TDP1: variants seen among roughly 807,000 people sequenced by gnomAD.
TDP1 encodes tyrosyl-DNA phosphodiesterase 1, also known as tyr-DNA phosphodiesterase 1.
Under a neutral mutation model 81.5 loss-of-function variants are expected in TDP1, and 64 were observed. The ratio of observed to expected loss-of-function variants is 0.79; its 90% CI spans 0.64 to 0.97. The LOEUF (loss-of-function observed/expected upper bound fraction) is 0.97, where lower values mean the gene tolerates loss of function less well. TDP1 is among the 50% of genes least tolerant of loss of function. The pLI is 0.00. For missense variants in TDP1, 723 were observed against 743.8 expected (o/e 0.97, Z 0.33); for synonymous variants, 256 against 264.3 (o/e 0.97, Z 0.30).
intron 16 of TDP1, 194 bp from the exon 17 acceptor site, chr14:90,042,876 C>T: frequency 1.0e-6 from 1 of 985,350 alleles, no homozygotes; most frequent in Non-Finnish European, 1.2e-6. Flanking sequence ...TCCCCATGTT[C>T]ACTCACCTAG....
chr14:90,014,698 C>T (rs889356579), intron 14 of TDP1, among the ~76,000 whole-genome samples: 1 of 152,300 alleles, frequency 6.6e-6, no homozygotes, highest in Admixed American at 6.5e-5. Context: ...AATATTTTAT[C>T]AGTGGACGTA....
intron 7 of TDP1, among the ~76,000 whole-genome samples, chr14:89,977,259 G>A (rs2140049709): frequency 6.6e-6 from 1 of 152,264 alleles, no homozygotes; most frequent in Admixed American, 6.5e-5. Flanking sequence ...GTAGAAGATT[G>A]AGCTCGTGTC....
At chr14:90,019,980 A>G (rs140782592) in intron 15 of TDP1, among the ~76,000 whole-genome samples, 1 of 152,282 alleles carries the variant, frequency 6.6e-6, no homozygotes, top group African/African-American at 2.4e-5. Flanking sequence ...GGGTGGCACA[A>G]AGGACATGTG....
At chr14:89,972,623 T>C (rs1447650141) in intron 6 of TDP1, among the ~76,000 whole-genome samples, 1 of 139,552 alleles carries the variant, frequency 7.2e-6, no homozygotes, top group Non-Finnish European at 1.7e-5. Flanking sequence ...AAAGATCTTC[T>C]ATTACACGTG....
intron 5 of TDP1, chr14:89,970,905 C>T (rs1893551764): frequency 3.5e-6 from 1 of 288,130 alleles, no homozygotes; most frequent in Non-Finnish European, 5.2e-6. Context: ...GTGGCTCAAT[C>T]TCGGCTCACT....
chr14:89,993,727 C>T (rs1896422006), intron 14 of TDP1, among the ~76,000 whole-genome samples: 1 of 152,166 alleles, frequency 6.6e-6, no homozygotes, highest in Non-Finnish European at 1.5e-5. Context: ...TTAACATTTA[C>T]TTCTGTTATT....
chr14:90,038,688 T>C (rs34926159), intron 16 of TDP1, among the ~76,000 whole-genome samples: 3 of 152,042 alleles, frequency 2.0e-5, no homozygotes, highest in Non-Finnish European at 4.4e-5. Flanking sequence ...AAATACAGAA[T>C]GTAGCTGGGT....
chr14:90,003,137 G>A (rs532183686), intron 14 of TDP1, among the ~76,000 whole-genome samples: 7 of 151,988 alleles, frequency 4.6e-5, no homozygotes, highest in Non-Finnish European at 8.8e-5. Context: ...GAGGTTTCAC[G>A]GTATTGGCCA....
chr14:89,962,128 G>A (rs1892398950), intron 2 of TDP1, among the ~76,000 whole-genome samples: 1 of 152,112 alleles, frequency 6.6e-6, no homozygotes, highest in Non-Finnish European at 1.5e-5. Flanking sequence ...ATAAAAGTGT[G>A]TTGCTTCAGT....
In TDP1 at chr14:89,998,157, C is replaced by T. The variant is rs73326491; in HGVS notation, c.1541+4674C>T. On this transcript the variant is annotated intron_variant, in intron 14 of 16. Transcript: ENST00000335725. ...ATATCCCTAGTGGTATCTGGACCAA[C>T]ACTTCATAATACAACATTTTGGAAG... 6.0e-3 allele frequency among the ~76,000 whole-genome samples: 905 copies of T among 151,926 alleles called. 6 individuals carry two copies. Among genetic ancestry groups the T allele is most frequent in the African/African-American group, 0.021 (868 of 41,446 alleles).
chr14:89,982,732 A>G (rs904325628), intron 8 of TDP1, among the ~76,000 whole-genome samples: 3 of 152,226 alleles, frequency 2.0e-5, no homozygotes, highest in Non-Finnish European at 4.4e-5. Context: ...AGAAAGTACC[A>G]AGACTATGAA....
intron 16 of TDP1, among the ~76,000 whole-genome samples, chr14:90,041,500 C>T (rs1278117023): frequency 2.0e-5 from 3 of 152,208 alleles, no homozygotes; most frequent in Non-Finnish European, 4.4e-5. Context: ...TGGCTCTGAA[C>T]AAACCGTGAG....
intron 14 of TDP1, among the ~76,000 whole-genome samples, chr14:90,009,942 A>C (rs1596631127): frequency 6.6e-6 from 1 of 151,616 alleles, no homozygotes; most frequent in Non-Finnish European, 1.5e-5. Context: ...TTGATGCAGG[A>C]AAAAAAAACC....
At chr14:89,960,046 T>A (rs1892145304) in intron 2 of TDP1, among the ~76,000 whole-genome samples, 1 of 152,288 alleles carries the variant, frequency 6.6e-6, no homozygotes, top group African/African-American at 2.4e-5. Context: ...AATGGAAGAT[T>A]CTATTACTCA....
intron 7 of TDP1, among the ~76,000 whole-genome samples, chr14:89,979,312 A>AT (rs879808194): frequency 1.7e-3 from 244 of 144,642 alleles, no homozygotes; most frequent in Middle Eastern, 0.011. Context: ...ACATTTAACA[A>AT]TTTTTTTTTT....
intron 14 of TDP1, among the ~76,000 whole-genome samples, chr14:89,997,970 A>G (rs1896783651): frequency 6.6e-6 from 1 of 152,218 alleles, no homozygotes; most frequent in Non-Finnish European, 1.5e-5. Context: ...ATTACACAAA[A>G]AGCAAAGAAG....
intron 7 of TDP1, chr14:89,980,060 A>G (rs944814032): frequency 1.6e-5 from 8 of 508,508 alleles, no homozygotes; most frequent in African/African-American, 2.1e-5. Flanking sequence ...TGTATTGTGC[A>G]CTAACATACC....
In TDP1 at chr14:89,984,194, T is replaced by C. The variant is rs374697931; in HGVS notation, c.885-322T>C. ...TGTCATCAAGTCTTAGAAAGCAATA[T>C]ATAGGTGCAGAGGTAAGAGGAGCAA... On this transcript the variant is annotated intron_variant, in intron 8 of 16. Coordinates refer to ENST00000335725, the MANE Select transcript of TDP1 (RefSeq NM_018319.4). 15 of 985,348 alleles carry C rather than the reference T, an allele frequency of 1.5e-5. No individual in the cohort carries two copies. In the African/African-American group the frequency reaches 1.9e-4, roughly 13 times the overall value. 61.0% of individuals were successfully genotyped at this position (985,348 alleles called of 1,614,324 possible).
intron 14 of TDP1, among the ~76,000 whole-genome samples, chr14:90,005,860 A>G (rs962723983): frequency 6.6e-6 from 1 of 152,258 alleles, no homozygotes; most frequent in South Asian, 2.1e-4. Context: ...CTAAATACCA[A>G]TTTTGACCTG....
Sources: allele counts gnomAD v4.1 joint callset (sites outside exome capture counted in the v4.1 genomes callset), GRCh38; gene constraint gnomAD v4.1.1; transcripts MANE v1.5; gene names NCBI Gene and HGNC (gene_info 2026-07-23, HGNC 2026-07-21).